LRRC9: variants seen among roughly 807,000 people sequenced by gnomAD.
LRRC9 encodes the protein leucine rich repeat containing 9, also known as leucine-rich repeat-containing protein 9.
In LRRC9, 122 loss-of-function variants were observed where a neutral mutation model predicts 63.2. That is an observed-to-expected ratio of 1.93 (90% CI 1.67 to 2.24). The LOEUF is 2.24. Among genes scored for constraint, LRRC9 ranks in the 30% most tolerant of loss-of-function variants. The pLI, the probability that LRRC9 is intolerant of heterozygous loss-of-function variation, is 0.00. For missense variants in LRRC9, 1,071 were observed against 627.7 expected, an observed-to-expected ratio of 1.71 and a Z score of -7.55; for synonymous variants, 366 against 213.1, an observed-to-expected ratio of 1.72 and a Z score of -6.25.
intron 31 of LRRC9, among the ~76,000 whole-genome samples, chr14:60,062,634 C>G (rs149817345): frequency 6.6e-6 from 1 of 152,214 alleles, no homozygotes; most frequent in East Asian, 1.9e-4. Context: ...TCCTACTTGC[C>G]TCCTTCTCCA....
intron 8 of LRRC9, among the ~76,000 whole-genome samples, chr14:59,956,951 T>G (rs1490539594): frequency 4.6e-5 from 7 of 152,188 alleles, no homozygotes; most frequent in Non-Finnish European, 1.0e-4. Flanking sequence ...ATGTTGAATA[T>G]TGGCCCTCAC....
In LRRC9 at chr14:60,018,350, ATTTAC is replaced by A. The variant is rs1453351047; in HGVS notation, c.3318-17_3318-13del. The stretch of plus-strand genomic sequence containing the variant: ...CCTGTCCTATTAAAATAATAGCTGT[ATTTAC>A]TTTGTCTAAATTCAGAACAGTGGAT... On this transcript the variant is annotated splice_polypyrimidine_tract_variant and intron_variant, in intron 24 of 31. Transcript: ENST00000445360. The A allele has an allele frequency of 2.3e-5, 16 of 699,640 alleles. No individual in the cohort carries two copies. Among genetic ancestry groups the A allele is most frequent in the Non-Finnish European group, 3.4e-5 (13 of 382,764 alleles). The allele number at this position is 699,640 out of a possible 1,614,324, so 43.3% of individuals were successfully genotyped here. A position where few individuals can be genotyped will look rare whatever the true frequency, so the allele number is the denominator to read the frequency against.
At chr14:60,064,951 T>C (rs1165427124), downstream of LRRC9, among the ~76,000 whole-genome samples, 1 of 152,244 alleles carries the variant, frequency 6.6e-6, no homozygotes, top group Non-Finnish European at 1.5e-5. Context: ...ACTTACACTG[T>C]ATTCACTTAG....
At chr14:59,963,552 A>G (rs1048663934) in intron 10 of LRRC9, among the ~76,000 whole-genome samples, 5 of 152,064 alleles carry the variant, frequency 3.3e-5, no homozygotes, top group Non-Finnish European at 7.4e-5. Context: ...AAAACAATAT[A>G]TAAGTGACTC....
rs80125754 is a variant in LRRC9 at position 59,937,045 on chromosome 14, C to T, written c.544-1345C>T. ...AATGAGAAAGGTATGAGGATATCCT[C>T]GAAGTTGGCTGAAAGTAATAATTAA... On this transcript the variant is annotated intron_variant, in intron 6 of 31. Transcript: ENST00000445360. 3.6e-3 allele frequency among the ~76,000 whole-genome samples: 551 copies of T among 152,182 alleles called. 4 individuals are homozygous for T. Among genetic ancestry groups the T allele is most frequent in the African/African-American group, 0.013 (527 of 41,540 alleles).
At chr14:59,998,248 T>A (rs1241086762) in intron 18 of LRRC9, among the ~76,000 whole-genome samples, 1 of 152,042 alleles carries the variant, frequency 6.6e-6, no homozygotes, top group Non-Finnish European at 1.5e-5. Flanking sequence ...ATTTGATTTA[T>A]AATATATCCT....
In LRRC9 at chr14:59,958,816, C is replaced by T. The variant is rs1243974270; in HGVS notation, c.883-1002C>T. Among the ~76,000 whole-genome samples, 1 of 152,178 alleles carries T rather than the reference C, an allele frequency of 6.6e-6. No homozygotes were observed. Among genetic ancestry groups the T allele is most frequent in the East Asian group, 1.9e-4 (1 of 5,192 alleles). On this transcript the variant is annotated intron_variant, in intron 8 of 31. Coordinates refer to ENST00000445360, the Ensembl canonical transcript of LRRC9. This position sits in a 1 kb window ranked among gnomAD's most constrained non-coding sequence, Gnocchi z 4.0. Reference sequence around the variant, plus strand: ...AAAAACGGTGGGAAAAGCATAGTAACCCGGCTGGGTAGCACAGTCCCTCAC... The same window carrying T: ...AAAAACGGTGGGAAAAGCATAGTAATCCGGCTGGGTAGCACAGTCCCTCAC...
At chr14:60,041,927 T>C (rs1321386472) in intron 29 of LRRC9, among the ~76,000 whole-genome samples, 1 of 152,206 alleles carries the variant, frequency 6.6e-6, no homozygotes, top group African/African-American at 2.4e-5. Flanking sequence ...GATGGGGTTT[T>C]GGTATGGATG....
At position 60,043,756 on chromosome 14, in the gene LRRC9, CTTTTTTTTTTT is replaced by C. The variant is rs368065898; in HGVS notation, c.3991-9297_3991-9287del. ...GAGCGTAGCCTGTAGTTTTCTTTTC[CTTTTTTTTTTT>C]TTTTTTTTTTTGCCTTGCTTTGTTT... is the stretch of plus-strand genomic sequence containing the variant. On this transcript the variant is annotated intron_variant, in intron 29 of 31. Coordinates refer to ENST00000445360, the Ensembl canonical transcript of LRRC9. Among the ~76,000 whole-genome samples the C allele has an allele frequency of 4.2e-5, 3 of 71,556 alleles. 1 individual carries two copies. The South Asian group carries it at 1.4e-3, about 33-fold the overall frequency. The allele number at this position is 71,556 out of a possible 152,430, so 46.9% of individuals were successfully genotyped here.
intron 17 of LRRC9, 123 bp downstream of exon 17, chr14:59,985,347 A>C: frequency 2.1e-6 from 1 of 472,014 alleles, no homozygotes; most frequent in South Asian, 4.5e-5. Context: ...ATAAACTTTC[A>C]GTTATAAATT....
At chr14:60,034,820 A>G (rs1328697074) in intron 29 of LRRC9, among the ~76,000 whole-genome samples, 1 of 152,166 alleles carries the variant, frequency 6.6e-6, no homozygotes, top group Non-Finnish European at 1.5e-5. Context: ...GAGTGCAGGT[A>G]TCTCTTTGAT....
rs150614294 is a variant in LRRC9, at chr14:60,034,142, C to T, written c.3990+2079C>T. 3.0e-3 allele frequency among the ~76,000 whole-genome samples: 454 copies of T among 150,926 alleles called. 2 individuals carry two copies. The highest frequency in any genetic ancestry group is 0.01 in the African/African-American group (430 of 41,080). ...TTCAAGCAATTCTTCCTCAGCCTCCCGAGTAGCTGAGACTACAGACGCGTG... is the reference window on the plus strand; with the variant it reads ...TTCAAGCAATTCTTCCTCAGCCTCCTGAGTAGCTGAGACTACAGACGCGTG... On this transcript the variant is annotated intron_variant, in intron 29 of 31. Transcript: ENST00000445360.
intron 8 of LRRC9, among the ~76,000 whole-genome samples, chr14:59,953,286 C>G (rs142911993): frequency 0.014 from 2,176 of 152,222 alleles, 54 homozygotes; most frequent in East Asian, 0.058. Context: ...CAGTGTAAAA[C>G]TGTTCTTATT....
intron 29 of LRRC9, among the ~76,000 whole-genome samples, chr14:60,034,143 G>A (rs952092905): frequency 2.0e-5 from 3 of 146,920 alleles, no homozygotes; most frequent in African/African-American, 5.1e-5. Context: ...TCAGCCTCCC[G>A]AGTAGCTGAG....
chr14:60,019,710 G>T (rs1890970645), intron 26 of LRRC9, among the ~76,000 whole-genome samples: 2 of 150,838 alleles, frequency 1.3e-5, no homozygotes, highest in African/African-American at 2.4e-5. Flanking sequence ...TTTTTTTTCA[G>T]CATTTGTTTT....
At position 60,031,177 on chromosome 14, in the gene LRRC9, A is replaced by G. The variant is rs1891962473; in HGVS notation, c.3922-818A>G. Among the ~76,000 whole-genome samples, 1 of 152,082 alleles carries G rather than the reference A, an allele frequency of 6.6e-6. No individual in the cohort carries two copies. Among genetic ancestry groups the G allele is most frequent in the South Asian group, 2.1e-4 (1 of 4,836 alleles). On this transcript the variant is annotated intron_variant, in intron 28 of 31. Transcript: ENST00000445360. The surrounding 1 kb of genome is among the most constrained non-coding windows in gnomAD (Gnocchi z 4.6). The stretch of plus-strand genomic sequence containing the variant: ...TACAGATTTTTCAAAGCCCTCATTT[A>G]TGATACTTCCAAAATTAAAATAGTA...
chr14:60,022,795 G>A, exon 27 of LRRC9: 1 of 687,398 alleles, frequency 1.5e-6, no homozygotes, highest in Non-Finnish European at 2.7e-6. Context: ...TCTTCATTTG[G>A]GCTACAATGG....
chr14:59,939,669 AG>A (rs1257826943), intron 7 of LRRC9, among the ~76,000 whole-genome samples: 1 of 152,042 alleles, frequency 6.6e-6, no homozygotes, highest in Non-Finnish European at 1.5e-5. Flanking sequence ...TACAGAGGAA[AG>A]AAGTAGAGAA....
At position 59,936,678 on chromosome 14, in the gene LRRC9, C is replaced by A. The variant is rs10162450; in HGVS notation, c.544-1712C>A. Among the ~76,000 whole-genome samples the A allele has an allele frequency of 0.41, 62,491 of 152,014 alleles. 13,377 individuals carry two copies. The highest frequency in any genetic ancestry group is 0.58 in the East Asian group (2,988 of 5,168). On this transcript the variant is annotated intron_variant, in intron 6 of 31. Coordinates refer to ENST00000445360, the Ensembl canonical transcript of LRRC9. This position sits in a 1 kb window ranked among gnomAD's most constrained non-coding sequence, Gnocchi z 4.2. ...GAATTTGACCAAATAATTCTCTGCA[C>A]AGCTCTGTCCATAAATCTTCCTTTT...
Sources: gnomAD v4.1 joint callset for allele counts (sites outside exome capture counted in the v4.1 genomes callset) on GRCh38, gnomAD v4.1.1 for gene constraint, Gnocchi (gnomAD v3.1) non-coding constraint, MANE v1.5 for transcripts, NCBI Gene and HGNC (gene_info 2026-07-23, HGNC 2026-07-21) for gene names.